TENM3: variants seen among roughly 807,000 people sequenced by gnomAD.
TENM3 encodes teneurin-3.
A neutral mutation model predicts 255.1 loss-of-function variants in TENM3; 63 were observed. That is an observed-to-expected ratio of 0.25 (90% CI 0.20 to 0.30). The LOEUF is 0.30. Among genes scored for constraint, TENM3 ranks in the 10% least tolerant of loss-of-function variants. The pLI is 1.00. For synonymous variants in TENM3, 1,306 were observed against 1,322.3 expected, an observed-to-expected ratio of 0.99 and a Z score of 0.27; for missense variants, 2,929 against 3,461.1, an observed-to-expected ratio of 0.85 and a Z score of 3.86.
At chr4:181,646,325 G>C in the TENM3 span, among the ~76,000 whole-genome samples, 1 of 152,128 alleles carries the variant, frequency 6.6e-6, no homozygotes, top group Non-Finnish European at 1.5e-5. Flanking sequence ...AAGAACAAAA[G>C]ACAGGATTAT....
intron 12 of TENM3, among the ~76,000 whole-genome samples, chr4:182,692,285 G>A (rs113965609): frequency 9.8e-5 from 15 of 152,304 alleles, no homozygotes; most frequent in African/African-American, 3.6e-4. Context: ...ATGGTTATAG[G>A]CAGAGTCAAT....
chr4:181,943,092 C>G, the TENM3 span, among the ~76,000 whole-genome samples: 490 of 152,208 alleles, frequency 3.2e-3, 1 homozygote, highest in Non-Finnish European at 5.0e-3. Context: ...TGTTTTATGT[C>G]TACAAATGTA....
intron 3 of TENM3, among the ~76,000 whole-genome samples, chr4:182,408,921 C>T (rs1449095863): frequency 6.6e-6 from 1 of 152,210 alleles, no homozygotes; most frequent in African/African-American, 2.4e-5. Context: ...TGTGAAACCT[C>T]AGGCATGGCT....
the TENM3 span, among the ~76,000 whole-genome samples, chr4:181,850,789 C>G: frequency 3.3e-5 from 5 of 152,076 alleles, no homozygotes; most frequent in African/African-American, 1.2e-4. Flanking sequence ...TCTAATGAAG[C>G]ATCCTTTGTT....
the TENM3 span, among the ~76,000 whole-genome samples, chr4:181,987,567 C>T: frequency 6.6e-6 from 1 of 152,110 alleles, no homozygotes; most frequent in South Asian, 2.1e-4. Context: ...AACCCACTCT[C>T]TCAATATGCG....
the TENM3 span, among the ~76,000 whole-genome samples, chr4:181,781,993 T>G: frequency 6.6e-6 from 1 of 152,190 alleles, no homozygotes; most frequent in East Asian, 1.9e-4. Flanking sequence ...TGGATAAGCT[T>G]TTTGATGTGC....
At chr4:181,486,243 C>G in the TENM3 span, among the ~76,000 whole-genome samples, 1 of 152,172 alleles carries the variant, frequency 6.6e-6, no homozygotes, top group African/African-American at 2.4e-5. Context: ...TTAATGCTTG[C>G]TCTGATGAAG....
chr4:182,539,007 T>C (rs937403438), intron 3 of TENM3, among the ~76,000 whole-genome samples: 13 of 151,934 alleles, frequency 8.6e-5, no homozygotes, highest in Non-Finnish European at 1.3e-4. Context: ...GTCAAAGCTA[T>C]GGATATCGGT....
the TENM3 span, among the ~76,000 whole-genome samples, chr4:182,036,380 G>A: frequency 0.7 from 105,871 of 151,832 alleles, 38,622 homozygotes; most frequent in East Asian, 0.9. Flanking sequence ...TAGTAGAGAC[G>A]GGTTTTCACC....
At chr4:182,738,054 T>C (rs1267501610) in intron 17 of TENM3, among the ~76,000 whole-genome samples, 1 of 152,190 alleles carries the variant, frequency 6.6e-6, no homozygotes, top group Non-Finnish European at 1.5e-5. Context: ...TGGCAAACGT[T>C]ATTTTTAGTT....
chr4:182,042,123 T>C, the TENM3 span, among the ~76,000 whole-genome samples: 1 of 152,034 alleles, frequency 6.6e-6, no homozygotes, highest in Non-Finnish European at 1.5e-5. Context: ...CTTTCCCCAG[T>C]TTGGAAGTGA....
the TENM3 span, among the ~76,000 whole-genome samples, chr4:181,708,608 A>G: frequency 2.0e-5 from 3 of 151,174 alleles, no homozygotes; most frequent in Admixed American, 1.3e-4. Context: ...CCAACACTCT[A>G]TGAAAATCAA....
intron 3 of TENM3, among the ~76,000 whole-genome samples, chr4:182,493,923 G>A (rs1321981927): frequency 6.6e-6 from 1 of 152,084 alleles, no homozygotes; most frequent in East Asian, 1.9e-4. Flanking sequence ...ACCATCTTCA[G>A]TGTATTTGCT....
At chr4:182,358,527 A>G (rs1314399658) in intron 3 of TENM3, among the ~76,000 whole-genome samples, 1 of 151,850 alleles carries the variant, frequency 6.6e-6, no homozygotes, top group Admixed American at 6.6e-5. Flanking sequence ...TTTGTCTGTT[A>G]TCGGTGTATA....
chr4:181,716,634 G>C, the TENM3 span, among the ~76,000 whole-genome samples: 1 of 152,116 alleles, frequency 6.6e-6, no homozygotes, highest in Non-Finnish European at 1.5e-5. Flanking sequence ...TGTAAAATCA[G>C]AGTCATAAAA....
chr4:181,893,531 A>T, the TENM3 span, among the ~76,000 whole-genome samples: 1 of 103,220 alleles, frequency 9.7e-6, no homozygotes, highest in African/African-American at 3.8e-5. Flanking sequence ...GGATGCATCC[A>T]GTATTTTGTG....
the TENM3 span, among the ~76,000 whole-genome samples, chr4:181,653,767 A>G: frequency 0.08 from 12,007 of 149,686 alleles, 647 homozygotes; most frequent in South Asian, 0.14. Context: ...ATATAGGTAT[A>G]CATGTGCCAT....
At chr4:181,715,926 A>C in the TENM3 span, among the ~76,000 whole-genome samples, 14 of 152,206 alleles carry the variant, frequency 9.2e-5, no homozygotes, top group Admixed American at 9.2e-4. Flanking sequence ...GCCTGACTCC[A>C]CTGTTCATCA....
intron 12 of TENM3, among the ~76,000 whole-genome samples, chr4:182,696,317 C>T (rs949299827): frequency 1.3e-5 from 2 of 152,124 alleles, no homozygotes; most frequent in Non-Finnish European, 2.9e-5. Flanking sequence ...TCTCTCTATA[C>T]TCTCTATAGA....
Sources: allele counts gnomAD v4.1 joint callset (sites outside exome capture counted in the v4.1 genomes callset), GRCh38; gene constraint gnomAD v4.1.1; transcripts MANE v1.5; gene names NCBI Gene and HGNC (gene_info 2026-07-23, HGNC 2026-07-21).